The following JARID2 variants were observed in gnomAD, a reference collection of about 807,000 sequenced individuals.
JARID2 encodes jumonji and AT-rich interaction domain containing 2, also known as protein Jumonji.
In JARID2, 21 loss-of-function variants were observed where a neutral mutation model predicts 125.6. The ratio of observed to expected loss-of-function variants is 0.17; its 90% CI spans 0.12 to 0.24. The LOEUF (loss-of-function observed/expected upper bound fraction) is 0.24. Among genes scored for constraint, JARID2 ranks in the 10% least tolerant of loss-of-function variants. The probability of loss-of-function intolerance (pLI) is 1.00; values close to 1 mark genes in which losing one functional copy is unlikely to be tolerated. For synonymous variants in JARID2, 736 were observed against 661.6 expected, an observed-to-expected ratio of 1.11 and a Z score of -1.73; for missense variants, 1,303 against 1,639.6, an observed-to-expected ratio of 0.79 and a Z score of 3.55.
intron 1 of JARID2, chr6:15,368,775 G>A (rs770395861): frequency 2.4e-5 from 11 of 467,022 alleles, no homozygotes; most frequent in Middle Eastern, 3.3e-4. Flanking sequence ...AATACTGGCC[G>A]CATGGGATGG....
intron 2 of JARID2, among the ~76,000 whole-genome samples, chr6:15,399,461 A>G (rs11757415): frequency 0.21 from 31,422 of 152,106 alleles, 3,600 homozygotes; most frequent in Non-Finnish European, 0.26. Context: ...ACTAGACACT[A>G]AGGAGGACCA....
intron 1 of JARID2, among the ~76,000 whole-genome samples, chr6:15,249,778 T>C (rs1392306828): frequency 2.0e-5 from 3 of 152,198 alleles, no homozygotes; most frequent in Non-Finnish European, 2.9e-5. Flanking sequence ...ATGATTGTTA[T>C]ATTTCGTAAT....
chr6:15,441,227 A>G lies in JARID2; in HGVS notation c.324-10779A>G, dbSNP rs1311952535. Among the ~76,000 whole-genome samples, 5 of 152,196 alleles carry G rather than the reference A, an allele frequency of 3.3e-5. No homozygotes were observed. The East Asian group carries it at 9.6e-4, about 29-fold the overall frequency. On this transcript the variant is annotated intron_variant, in intron 3 of 17. Coordinates refer to ENST00000341776, the MANE Select transcript of JARID2 (RefSeq NM_004973.4). ...GATTGTATATTCCTAGATGTTTTCC[A>G]TACAAGAACTTTGGGGTGTAATGAG...
chr6:15,501,729 A>G (rs900340843), intron 8 of JARID2, among the ~76,000 whole-genome samples: 3 of 151,676 alleles, frequency 2.0e-5, no homozygotes, highest in Non-Finnish European at 4.4e-5. Context: ...GGGGAAGTCC[A>G]CTCCACGAAG....
At chr6:15,309,508 C>T (rs995732880) in intron 1 of JARID2, among the ~76,000 whole-genome samples, 1 of 151,842 alleles carries the variant, frequency 6.6e-6, no homozygotes, top group African/African-American at 2.4e-5. Context: ...CTGTTCCGTG[C>T]AGTCATTAAA....
intron 1 of JARID2, among the ~76,000 whole-genome samples, chr6:15,369,798 C>G (rs1212442716): frequency 2.0e-5 from 3 of 152,180 alleles, no homozygotes; most frequent in Admixed American, 6.5e-5. Context: ...CAACATTTAG[C>G]AAATGGGAGT....
chr6:15,372,716 A>ATTTT (rs1007809942), intron 1 of JARID2, among the ~76,000 whole-genome samples: 3 of 146,024 alleles, frequency 2.1e-5, no homozygotes, highest in South Asian at 4.3e-4. Flanking sequence ...TTATTTATTT[A>ATTTT]TTTTTTTTTT....
chr6:15,427,197 C>T (rs1422698452), intron 3 of JARID2, among the ~76,000 whole-genome samples: 3 of 152,136 alleles, frequency 2.0e-5, no homozygotes, highest in Non-Finnish European at 4.4e-5. Flanking sequence ...ACACTCTGTC[C>T]TAAGAGTTCA....
intron 1 of JARID2, among the ~76,000 whole-genome samples, chr6:15,345,702 C>T (rs1401423698): frequency 6.6e-6 from 1 of 152,150 alleles, no homozygotes; most frequent in Non-Finnish European, 1.5e-5. Flanking sequence ...CCGATTTTGA[C>T]TTTATTCCTC....
intron 1 of JARID2, among the ~76,000 whole-genome samples, chr6:15,358,641 T>C (rs1458090500): frequency 6.6e-6 from 1 of 152,240 alleles, no homozygotes; most frequent in East Asian, 1.9e-4. Flanking sequence ...TTTCTGAGAA[T>C]AGTGAATTCT....
At chr6:15,460,418 G>A (rs903852672) in intron 4 of JARID2, among the ~76,000 whole-genome samples, 8 of 152,122 alleles carry the variant, frequency 5.3e-5, no homozygotes, top group Non-Finnish European at 1.0e-4. Context: ...GTCATCTCTG[G>A]CCTTCTCCTT....
chr6:15,270,517 A>T (rs1269551000), intron 1 of JARID2, among the ~76,000 whole-genome samples: 1 of 152,196 alleles, frequency 6.6e-6, no homozygotes. Context: ...CAGGCATAGA[A>T]TGGGTACTTT....
At chr6:15,373,928 A>G (rs1244833075) in intron 1 of JARID2, among the ~76,000 whole-genome samples, 189 bp from the exon 2 acceptor site, 1 of 152,140 alleles carries the variant, frequency 6.6e-6, no homozygotes, top group Non-Finnish European at 1.5e-5. Flanking sequence ...CTGTGGATTC[A>G]CTTTTCTTTG....
At chr6:15,267,214 G>T (rs903488110) in intron 1 of JARID2, among the ~76,000 whole-genome samples, 1 of 152,202 alleles carries the variant, frequency 6.6e-6, no homozygotes, top group African/African-American at 2.4e-5. Context: ...GCTTCCTGGA[G>T]TGTTATTCTC....
At chr6:15,403,632 A>C (rs1012794073) in intron 2 of JARID2, among the ~76,000 whole-genome samples, 1 of 152,204 alleles carries the variant, frequency 6.6e-6, no homozygotes, top group East Asian at 1.9e-4. Flanking sequence ...CAGTGACCCA[A>C]CTTTTCCATG....
At position 15,326,851 on chromosome 6, in the gene JARID2, T is replaced by A. The variant is rs149996770; in HGVS notation, c.46-47266T>A. ...ATTCTATTTAGAGAAAACATACCCATGATAATGATAACATAATGAGTCAAG... is the reference window on the plus strand; with the variant it reads ...ATTCTATTTAGAGAAAACATACCCAAGATAATGATAACATAATGAGTCAAG... On this transcript the variant is annotated intron_variant, in intron 1 of 17. Coordinates refer to ENST00000341776, the MANE Select transcript of JARID2 (RefSeq NM_004973.4). Among the ~76,000 whole-genome samples, 396 of 152,358 alleles carry A rather than the reference T, an allele frequency of 2.6e-3. 1 individual carries two copies. The highest frequency in any genetic ancestry group is 9.0e-3 in the African/African-American group (376 of 41,588).
rs1246684709 is a variant in JARID2 at position 15,264,618 on chromosome 6, T to A, written c.45+18034T>A. On this transcript the variant is annotated intron_variant, in intron 1 of 17. Transcript: ENST00000341776. ...AGTTTAGAAGGTAGGTGTGAGTGTG[T>A]GTGTGTGTGTGTGTGTGTGTGTGAG... 2.3e-5 allele frequency among the ~76,000 whole-genome samples: 3 copies of A among 129,804 alleles called. No individual in the cohort carries two copies. The East Asian group carries it at 8.0e-4, about 34-fold the overall frequency. 85.2% of individuals were successfully genotyped at this position (129,804 alleles called of 152,430 possible). A position where few individuals can be genotyped will look rare whatever the true frequency, so the allele number is the denominator to read the frequency against.
chr6:15,409,974 C>T (rs905755216), intron 2 of JARID2, among the ~76,000 whole-genome samples: 1 of 152,188 alleles, frequency 6.6e-6, no homozygotes, highest in South Asian at 2.1e-4. Flanking sequence ...TATAGTGTTA[C>T]AGTTCCAAAT....
In JARID2 at chr6:15,513,037, T is replaced by C. The variant is rs750626829; in HGVS notation, c.3258T>C (p.Asp1086=). The change falls in exon 15 of 18, where the codon GAT becomes GAC. Residue 1086 remains aspartate (D), a synonymous_variant. Coordinates refer to ENST00000341776, the MANE Select transcript of JARID2 (RefSeq NM_004973.4). The stretch of plus-strand genomic sequence containing the variant: ...TCAGTACCATCTCAGCCCTCCTGGA[T>C]GAGCTCAGGTAACAGACCCCCAGAG... ...PTLSTISALL[D]ELRDTELRQR... 5 of 1,613,988 alleles carry C rather than the reference T, an allele frequency of 3.1e-6. No homozygotes were observed. In the African/African-American group the frequency reaches 5.3e-5, roughly 17 times the overall value.
Sources: allele counts gnomAD v4.1 joint callset (sites outside exome capture counted in the v4.1 genomes callset), GRCh38; gene constraint gnomAD v4.1.1; transcripts MANE v1.5; gene names NCBI Gene and HGNC (gene_info 2026-07-23, HGNC 2026-07-21).